Variants in ERI1 observed in about 807,000 individuals in gnomAD.
The protein encoded by ERI1 is 3'-5' exoribonuclease 1.
A neutral mutation model predicts 39.7 loss-of-function variants in ERI1; 39 were observed. The observed-to-expected ratio is 0.98, with a 90% CI of 0.76 to 1.28. ERI1 has a LOEUF of 1.28. ERI1 is among the 50% of genes most tolerant of loss of function. The pLI is 0.00. For missense variants in ERI1, 581 were observed against 416.9 expected, an observed-to-expected ratio of 1.39 and a Z score of -3.43; for synonymous variants, 204 against 149.6, an observed-to-expected ratio of 1.36 and a Z score of -2.65.
chr8:9,028,667 A>T (rs139156311), intron 6 of ERI1, among the ~76,000 whole-genome samples: 133 of 152,260 alleles, frequency 8.7e-4, no homozygotes, highest in African/African-American at 2.9e-3. Context: ...TCTGACGCCC[A>T]GGCTGGAGTG....
intron 6 of ERI1, 75 bp downstream of exon 6, chr8:9,020,539 T>A: frequency 1.1e-6 from 1 of 907,602 alleles, no homozygotes; most frequent in Non-Finnish European, 1.7e-6. Context: ...CGTTAGATTG[T>A]AATTTTCCAG....
intron 1 of ERI1, among the ~76,000 whole-genome samples, chr8:9,003,487 C>G (rs1176326589): frequency 6.6e-6 from 1 of 152,180 alleles, no homozygotes; most frequent in Admixed American, 6.5e-5. Flanking sequence ...CTCCATGTAG[C>G]CGTTATGGGT....
intron 3 of ERI1, among the ~76,000 whole-genome samples, chr8:9,051,952 G>C (rs991063099): frequency 2.8e-4 from 42 of 152,334 alleles, no homozygotes; most frequent in African/African-American, 9.9e-4. Context: ...TGAGAGCCCA[G>C]GCTCAGATGC....
intron 3 of ERI1, 67 bp downstream of exon 3, chr8:9,011,819 G>C: frequency 8.3e-7 from 1 of 1,208,780 alleles, no homozygotes; most frequent in Non-Finnish European, 1.1e-6. Flanking sequence ...CTGGTTATGT[G>C]GAGGACCTCA....
intron 3 of ERI1, among the ~76,000 whole-genome samples, chr8:9,095,282 G>A (rs1799841246): frequency 6.6e-6 from 1 of 152,078 alleles, no homozygotes; most frequent in Admixed American, 6.6e-5. Flanking sequence ...AATAGATTGG[G>A]TTTGTATTAA....
chr8:9,068,512 T>C (rs942147033), intron 3 of ERI1, among the ~76,000 whole-genome samples: 23 of 152,202 alleles, frequency 1.5e-4, no homozygotes, highest in African/African-American at 5.3e-4. Flanking sequence ...AGAGACTGTC[T>C]TATGAATGCT....
rs975666581 is a variant in ERI1, at chr8:9,030,986, A to G, written c.*952A>G. ...AAAAGACTTGTTTTTCTGATTTTAC[A>G]TAGTAAATGGCTGCTAAGTATTGAG... On this transcript the variant is annotated 3_prime_UTR_variant, in exon 7 of 7. Coordinates refer to ENST00000250263, the MANE Select transcript of ERI1 (RefSeq NM_153332.4). 1.3e-5 allele frequency: 2 copies of G among 152,234 alleles called. No individual in the cohort carries two copies. Among genetic ancestry groups the G allele is most frequent in the Non-Finnish European group, 2.9e-5 (2 of 68,034 alleles). The allele number at this position is 152,234 out of a possible 1,614,324, so 9.4% of individuals were successfully genotyped here.
intron 3 of ERI1, among the ~76,000 whole-genome samples, chr8:9,060,403 G>T (rs140450568): frequency 6.6e-6 from 1 of 152,082 alleles, no homozygotes; most frequent in South Asian, 2.1e-4. Context: ...CAATCCTGGT[G>T]GGGGGCGGGG....
chr8:9,053,446 G>A (rs1395162105), intron 3 of ERI1, among the ~76,000 whole-genome samples: 3 of 152,156 alleles, frequency 2.0e-5, no homozygotes, highest in African/African-American at 7.2e-5. Flanking sequence ...GCCCAGAGAG[G>A]GAATGGAAGC....
At chr8:9,013,225 G>A (rs571160004) in intron 3 of ERI1, among the ~76,000 whole-genome samples, 1 of 151,322 alleles carries the variant, frequency 6.6e-6, no homozygotes, top group East Asian at 1.9e-4. Flanking sequence ...ATGTTGCGCA[G>A]GCTGGTTTCA....
intron 3 of ERI1, among the ~76,000 whole-genome samples, chr8:9,041,129 A>G (rs1320068528): frequency 2.6e-5 from 4 of 152,236 alleles, no homozygotes; most frequent in Non-Finnish European, 4.4e-5. Context: ...TGGGGGAACA[A>G]TGAGCATGAC....
At chr8:9,029,656 G>A in intron 6 of ERI1, 136 bp from the exon 7 acceptor site, 1 of 1,039,650 alleles carries the variant, frequency 9.6e-7, no homozygotes, top group Non-Finnish European at 1.4e-6. Flanking sequence ...CCTTATTTGA[G>A]TGGGGGTATT....
chr8:9,073,945 AT>A (rs1352353349), intron 3 of ERI1, among the ~76,000 whole-genome samples: 3 of 152,112 alleles, frequency 2.0e-5, no homozygotes, highest in Admixed American at 6.6e-5. Context: ...TATTTTTAAA[AT>A]TTATTTTTTA....
chr8:9,012,098 G>T (rs990104067), intron 3 of ERI1, among the ~76,000 whole-genome samples: 18 of 152,154 alleles, frequency 1.2e-4, no homozygotes, highest in African/African-American at 4.3e-4. Flanking sequence ...TTAGTTCTCT[G>T]ATAGGGCCTC....
chr8:9,059,246 G>C (rs1341584008), intron 3 of ERI1, among the ~76,000 whole-genome samples: 1 of 152,142 alleles, frequency 6.6e-6, no homozygotes, highest in Admixed American at 6.5e-5. Context: ...GCAGGAAGCG[G>C]CCATCTGGAT....
intron 3 of ERI1, among the ~76,000 whole-genome samples, chr8:9,049,153 T>C (rs780532747): frequency 1.8e-4 from 27 of 151,410 alleles, no homozygotes; most frequent in Admixed American, 3.3e-4. Context: ...TTGGCCAACA[T>C]GGTGAAACCC....
intron 5 of ERI1, 104 bp downstream of exon 5, chr8:9,018,510 C>G: frequency 3.1e-6 from 2 of 653,318 alleles, no homozygotes; most frequent in Non-Finnish European, 2.6e-6. Flanking sequence ...ATTAGAGACC[C>G]TAGAGTCTCA....
At chr8:9,020,101 A>T (rs1027506078) in intron 5 of ERI1, among the ~76,000 whole-genome samples, 10 of 152,242 alleles carry the variant, frequency 6.6e-5, no homozygotes, top group African/African-American at 2.4e-4. Flanking sequence ...CAGAACCATG[A>T]AAACAATCAA....
rs3989371 is a variant in ERI1 at position 9,049,336 on chromosome 8, CAAAAAAAAAAAAA to C, written n.299+28889_299+28901del. 3.0e-4 allele frequency among the ~76,000 whole-genome samples: 10 copies of C among 33,242 alleles called. 1 individual carries two copies. The highest frequency in any genetic ancestry group is 4.8e-4 in the Non-Finnish European group (9 of 18,928). 21.8% of individuals were successfully genotyped at this position (33,242 alleles called of 152,430 possible). Reference sequence around the variant, plus strand: ...GGGCGACAGAGTGAGACTCCGTCTCCAAAAAAAAAAAAAAAAAAAAAAAAAAAAAGAGCAACAT... The same window carrying C: ...GGGCGACAGAGTGAGACTCCGTCTCCAAAAAAAAAAAAAAAAGAGCAACAT... On this transcript the variant is annotated intron_variant and non_coding_transcript_variant, in intron 3 of 3. Coordinates refer to the ERI1 transcript ENST00000518663.
Sources: allele counts gnomAD v4.1 joint callset (sites outside exome capture counted in the v4.1 genomes callset), GRCh38; gene constraint gnomAD v4.1.1; transcripts MANE v1.5; gene names NCBI Gene and HGNC (gene_info 2026-07-23, HGNC 2026-07-21).